Variants in TMEM201 observed in about 807,000 individuals in gnomAD.
TMEM201 encodes the protein RP13-15M17.2.
TMEM201 carries 26 observed loss-of-function variants against 63.4 expected under a neutral mutation model. The observed-to-expected ratio is 0.41, with a 90% CI of 0.30 to 0.57. The LOEUF (loss-of-function observed/expected upper bound fraction) is 0.57, where lower values mean the gene tolerates loss of function less well. Among genes scored for constraint, TMEM201 ranks in the 20% least tolerant of loss-of-function variants. The pLI is 0.29. For synonymous variants in TMEM201, 417 were observed against 421.6 expected (o/e 0.99, Z 0.14); for missense variants, 794 against 917.7 (o/e 0.87, Z 1.74).
At position 9,610,409 on chromosome 1, in the gene TMEM201, C is replaced by T. The variant is rs1257972117; in HGVS notation, c.1466-97C>T. 6.2e-5 allele frequency: 77 copies of T among 1,238,972 alleles called. No homozygotes were observed. Among genetic ancestry groups the T allele is most frequent in the Non-Finnish European group, 7.8e-5 (71 of 915,976 alleles). The allele number at this position is 1,238,972 out of a possible 1,614,324, so 76.7% of individuals were successfully genotyped here. ...AGTCTCTGCACCTTTCCTGTCTTCC[C>T]GGGTTAATAGAAGAATGCCCCCAGA... On this transcript the variant is annotated intron_variant, in intron 8 of 10. Coordinates refer to ENST00000340381, the MANE Select transcript of TMEM201 (RefSeq NM_001130924.3). This position sits in a 1 kb window ranked among gnomAD's most constrained non-coding sequence, Gnocchi z 4.9.
chr1:9,593,306 C>G (rs79500281), intron 1 of TMEM201, among the ~76,000 whole-genome samples: 1 of 152,310 alleles, frequency 6.6e-6, no homozygotes, highest in Non-Finnish European at 1.5e-5. Context: ...GGGGGACCTG[C>G]AATTCATGCC....
At position 9,594,768 on chromosome 1, in the gene TMEM201, G is replaced by A. The variant is rs971370984; in HGVS notation, c.114-1122G>A. ...GCACCTTTCTGTCTTGTGTCACTGCGTCCTTGCAGCATGCAGAAGCCGGGG... is the reference window on the plus strand; with the variant it reads ...GCACCTTTCTGTCTTGTGTCACTGCATCCTTGCAGCATGCAGAAGCCGGGG... On this transcript the variant is annotated intron_variant, in intron 1 of 10. Coordinates refer to ENST00000340381, the MANE Select transcript of TMEM201 (RefSeq NM_001130924.3). Among the ~76,000 whole-genome samples the A allele has an allele frequency of 1.1e-4, 16 of 152,218 alleles. No homozygotes were observed. In the East Asian group the frequency reaches 1.4e-3, roughly 13 times the overall value.
Position 9,597,048 on chromosome 1 carries a change from G to A in TMEM201, c.424G>A (p.Glu142Lys), listed in dbSNP as rs1156274804. The A allele has an allele frequency of 1.2e-5, 19 of 1,602,248 alleles. No homozygotes were observed. Among genetic ancestry groups the A allele is most frequent in the African/African-American group, 8.0e-5 (6 of 74,766 alleles). ...GCAGCTGGCCGCCTTCGCTCCCCGC[G>A]AGGAGGTGAGGCCGGGTTGGGAGGG... The part of the protein sequence containing the change: ...IKQLAAFAPR[E>K]EGRYDEEVEV... The change falls in exon 3 of 11, where the codon GAG becomes AAG. Residue 142 changes from glutamate (E) to lysine (K), a missense_variant. Glu to Lys is a moderately conservative substitution (Grantham distance 56). Coordinates refer to ENST00000340381, the MANE Select transcript of TMEM201 (RefSeq NM_001130924.3).
Position 9,610,799 on chromosome 1 carries a change from G to C in TMEM201, c.1759G>C (p.Ala587Pro). 2 of 1,540,270 alleles carry C rather than the reference G, an allele frequency of 1.3e-6. No homozygotes were observed. The highest frequency in any genetic ancestry group is 1.8e-6 in the Non-Finnish European group (2 of 1,139,904). Residue 587 changes from alanine (A) to proline (P), a missense_variant, in exon 9 of 11, where the codon GCC (alanine) becomes CCC (proline). Coordinates refer to ENST00000340381, the MANE Select transcript of TMEM201 (RefSeq NM_001130924.3). This position sits in a 1 kb window ranked among gnomAD's most constrained non-coding sequence, Gnocchi z 4.9. ...RKPPLQDVKH[A>P]LDLRSKLERG... ...GCCGCCCCTGCAGGACGTGAAGCAC[G>C]CCCTGGGTACGGCCTTCTGACCACC...
chr1:9,601,829 G>A (rs1354827926), intron 5 of TMEM201, among the ~76,000 whole-genome samples: 5 of 152,190 alleles, frequency 3.3e-5, no homozygotes, highest in Admixed American at 1.3e-4. Flanking sequence ...CCTGCTCACC[G>A]ACTCGGAGGA....
intron 6 of TMEM201, 79 bp downstream of exon 6, chr1:9,602,351 CCT>C: frequency 6.5e-7 from 1 of 1,548,880 alleles, no homozygotes; most frequent in Non-Finnish European, 8.7e-7. Context: ...GAAGCGGGCC[CCT>C]CTCTGTCCTG....
At chr1:9,594,184 G>T (rs954880159) in intron 1 of TMEM201, among the ~76,000 whole-genome samples, 20 of 152,250 alleles carry the variant, frequency 1.3e-4, no homozygotes, top group African/African-American at 4.8e-4. Context: ...AGGCAGAGCT[G>T]CTCTCCAAGG....
At chr1:9,609,037 TG>T (rs1644285401) in intron 7 of TMEM201, among the ~76,000 whole-genome samples, 1 of 152,202 alleles carries the variant, frequency 6.6e-6, no homozygotes, top group Non-Finnish European at 1.5e-5. Flanking sequence ...TCCAGCTTGC[TG>T]TCTCCCTGTC....
At chr1:9,589,459 G>A (rs968987900) in intron 1 of TMEM201, among the ~76,000 whole-genome samples, 1 of 152,264 alleles carries the variant, frequency 6.6e-6, no homozygotes, top group Non-Finnish European at 1.5e-5. Context: ...GCATCCGCGC[G>A]TTTCAGAGCC....
At chr1:9,595,850 G>T (rs1164504539) in intron 1 of TMEM201, 40 bp from the exon 2 acceptor site, 4 of 1,610,072 alleles carry the variant, frequency 2.5e-6, no homozygotes, top group Non-Finnish European at 3.4e-6. Flanking sequence ...AGCAGGTGCT[G>T]GGGTCTTCCA....
intron 1 of TMEM201, among the ~76,000 whole-genome samples, chr1:9,590,492 G>A (rs1279715899): frequency 2.0e-5 from 3 of 152,164 alleles, no homozygotes; most frequent in Non-Finnish European, 4.4e-5. Flanking sequence ...ACTTGGACTG[G>A]GTGGCTCACT....
Position 9,610,064 on chromosome 1 carries a change from A to C in TMEM201, c.1465+153A>C, listed in dbSNP as rs1344529592. Among the ~76,000 whole-genome samples the C allele has an allele frequency of 6.6e-6, 1 of 152,184 alleles. No individual in the cohort carries two copies. The highest frequency in any genetic ancestry group is 6.5e-5 in the Admixed American group (1 of 15,276). On this transcript the variant is annotated intron_variant, in intron 8 of 10. Transcript: ENST00000340381. The surrounding 1 kb of genome is among the most constrained non-coding windows in gnomAD (Gnocchi z 4.9). ...CAAGTGACCTACACACCTGTGCCTC[A>C]GTTTCCTCTTGCGTGAAATGGGAAT...
intron 4 of TMEM201, among the ~76,000 whole-genome samples, chr1:9,599,394 C>T (rs551305067): frequency 4.6e-5 from 7 of 151,296 alleles, no homozygotes; most frequent in Admixed American, 4.0e-4. Context: ...ATTACAGGCA[C>T]GCATCACCAC....
In TMEM201 at chr1:9,588,952, C is replaced by A; in HGVS notation, c.22C>A (p.Leu8Met). MEGVSAL[L>M]ARCPTAGLAG... ...AGCCATGGAGGGAGTGAGCGCGCTG[C>A]TGGCCCGCTGCCCCACGGCCGGCCT... Residue 8 changes from leucine (L) to methionine (M), a missense_variant, in exon 1 of 11, where the codon CTG (leucine) becomes ATG (methionine). By Grantham distance (15) the Leu-to-Met change is conservative. Coordinates refer to ENST00000340381, the MANE Select transcript of TMEM201 (RefSeq NM_001130924.3). 7.8e-7 allele frequency: 1 copy of A among 1,278,154 alleles called. No homozygotes were observed. The highest frequency in any genetic ancestry group is 1.0e-6 in the Non-Finnish European group (1 of 993,852). 79.2% of individuals were successfully genotyped at this position (1,278,154 alleles called of 1,614,324 possible).
In TMEM201 at chr1:9,604,545, C is replaced by A; in HGVS notation, c.1160+2273C>A. On this transcript the variant is annotated intron_variant, in intron 6 of 10. Coordinates refer to ENST00000340381, the MANE Select transcript of TMEM201 (RefSeq NM_001130924.3). This position sits in a 1 kb window ranked among gnomAD's most constrained non-coding sequence, Gnocchi z 4.1. ...GGAATGTGTCACCCCTGCCAGGGAA[C>A]TCTTCTCCTCGCGGGGGACTTGGGA... The A allele has an allele frequency of 1.0e-6, 1 of 985,488 alleles. No individual in the cohort carries two copies. 61.0% of individuals were successfully genotyped at this position (985,488 alleles called of 1,614,324 possible).
At chr1:9,593,640 G>A (rs988239009) in intron 1 of TMEM201, among the ~76,000 whole-genome samples, 1 of 152,206 alleles carries the variant, frequency 6.6e-6, no homozygotes, top group African/African-American at 2.4e-5. Context: ...GACTTCCTGG[G>A]GTGGGCGGGG....
Position 9,604,557 on chromosome 1 carries a change from C to T in TMEM201, c.1160+2285C>T, listed in dbSNP as rs557459230. 4.3e-5 allele frequency: 42 copies of T among 985,416 alleles called. No homozygotes were observed. In the African/African-American group the frequency reaches 5.2e-4, roughly 12 times the overall value. The allele number at this position is 985,416 out of a possible 1,614,324, so 61.0% of individuals were successfully genotyped here. A position where few individuals can be genotyped will look rare whatever the true frequency, so the allele number is the denominator to read the frequency against. ...CCCTGCCAGGGAACTCTTCTCCTCGCGGGGGACTTGGGATGGCCATCAGAC... is the reference window on the plus strand; with the variant it reads ...CCCTGCCAGGGAACTCTTCTCCTCGTGGGGGACTTGGGATGGCCATCAGAC... On this transcript the variant is annotated intron_variant, in intron 6 of 10. Transcript: ENST00000340381. This position sits in a 1 kb window ranked among gnomAD's most constrained non-coding sequence, Gnocchi z 4.1.
rs1333822643 is a variant in TMEM201 at position 9,607,797 on chromosome 1, G to A, written c.1393+8G>A. 1.3e-6 allele frequency: 2 copies of A among 1,551,006 alleles called. No individual in the cohort carries two copies. Among genetic ancestry groups the A allele is most frequent in the Non-Finnish European group, 1.7e-6 (2 of 1,146,802 alleles). On this transcript the variant is annotated splice_region_variant and intron_variant, in intron 7 of 10. Transcript: ENST00000340381. The surrounding 1 kb of genome is among the most constrained non-coding windows in gnomAD (Gnocchi z 5.4). ...CCTCTCTGACTCGAGCAGGTAAGGG[G>A]TGCCCAGGCATTGGCAGACAGTCAG...
rs928499098 is a variant in TMEM201 at position 9,605,295 on chromosome 1, C to A, written c.1161-2262C>A. 6.6e-6 allele frequency among the ~76,000 whole-genome samples: 1 copy of A among 152,158 alleles called. No individual in the cohort carries two copies. Among genetic ancestry groups the A allele is most frequent in the African/African-American group, 2.4e-5 (1 of 41,434 alleles). On this transcript the variant is annotated intron_variant, in intron 6 of 10. Transcript: ENST00000340381. The surrounding 1 kb of genome is among the most constrained non-coding windows in gnomAD (Gnocchi z 5.7). Reference sequence around the variant, plus strand: ...CCCAGAGCCAGCATCCAGGCCTGATCCTGGTCACTTAGTCCCTCTCTGACA... The same window carrying A: ...CCCAGAGCCAGCATCCAGGCCTGATACTGGTCACTTAGTCCCTCTCTGACA...
Sources: allele counts gnomAD v4.1 joint callset (sites outside exome capture counted in the v4.1 genomes callset), GRCh38; gene constraint gnomAD v4.1.1; non-coding constraint Gnocchi (gnomAD v3.1); transcripts MANE v1.5; gene names NCBI Gene and HGNC (gene_info 2026-07-23, HGNC 2026-07-21).